Variants in ZSWIM6 observed in about 807,000 individuals in gnomAD.
The protein encoded by ZSWIM6 is zinc finger SWIM domain-containing protein 6.
ZSWIM6 carries 9 observed loss-of-function variants against 113.2 expected under a neutral mutation model. The observed-to-expected ratio is 0.08, with a 90% CI of 0.05 to 0.14. ZSWIM6 has a LOEUF of 0.14. ZSWIM6 is among the 10% of genes least tolerant of loss of function. The pLI, the probability that ZSWIM6 is intolerant of heterozygous loss-of-function variation, is 1.00. For synonymous variants in ZSWIM6, 611 were observed against 606.5 expected, an observed-to-expected ratio of 1.01 and a Z score of -0.11; for missense variants, 1,162 against 1,552.2, an observed-to-expected ratio of 0.75 and a Z score of 4.22.
chr5:61,351,186 C>G (rs1001437746), intron 1 of ZSWIM6, among the ~76,000 whole-genome samples: 1 of 152,112 alleles, frequency 6.6e-6, no homozygotes, highest in African/African-American at 2.4e-5. Context: ...CCTTAATGTC[C>G]TAATTTCTCC....
chr5:61,381,157 G>A (rs1275999090), intron 1 of ZSWIM6, among the ~76,000 whole-genome samples: 2 of 152,322 alleles, frequency 1.3e-5, no homozygotes, highest in East Asian at 3.9e-4. Flanking sequence ...GGAGGCTGAG[G>A]CAGGAGAATC....
At chr5:61,438,132 T>TC (rs1225683035) in intron 1 of ZSWIM6, among the ~76,000 whole-genome samples, 2 of 152,160 alleles carry the variant, frequency 1.3e-5, no homozygotes, top group Admixed American at 6.5e-5. Flanking sequence ...AGCTACACCT[T>TC]CCCCCCATTC....
At chr5:61,346,057 G>A (rs1744651991) in intron 1 of ZSWIM6, among the ~76,000 whole-genome samples, 1 of 152,034 alleles carries the variant, frequency 6.6e-6, no homozygotes, top group Non-Finnish European at 1.5e-5. Context: ...TGATTCTCCT[G>A]CCTCAGCCTC....
At chr5:61,336,464 A>G (rs1744398869) in intron 1 of ZSWIM6, among the ~76,000 whole-genome samples, 1 of 152,146 alleles carries the variant, frequency 6.6e-6, no homozygotes, top group Admixed American at 6.5e-5. Flanking sequence ...TTAATTGGAT[A>G]AAAATCAAAA....
At chr5:61,507,470 G>A (rs1159520501) in intron 4 of ZSWIM6, among the ~76,000 whole-genome samples, 1 of 152,144 alleles carries the variant, frequency 6.6e-6, no homozygotes, top group Non-Finnish European at 1.5e-5. Context: ...TTCCAGAAAT[G>A]CAGACACTGA....
intron 1 of ZSWIM6, among the ~76,000 whole-genome samples, chr5:61,340,998 A>T (rs1277752273): frequency 6.6e-6 from 1 of 152,268 alleles, no homozygotes; most frequent in Admixed American, 6.5e-5. Flanking sequence ...CTGTGTGATT[A>T]TACAGCAAGT....
chr5:61,369,963 G>C (rs1470878047), intron 1 of ZSWIM6, among the ~76,000 whole-genome samples: 1 of 152,086 alleles, frequency 6.6e-6, no homozygotes, highest in African/African-American at 2.4e-5. Context: ...ACAAAACAGA[G>C]GCTATAGCAT....
At chr5:61,388,697 A>C (rs1745641600) in intron 1 of ZSWIM6, among the ~76,000 whole-genome samples, 1 of 152,264 alleles carries the variant, frequency 6.6e-6, no homozygotes, top group Non-Finnish European at 1.5e-5. Context: ...TTGAACACAC[A>C]GTGGCTCAAA....
In ZSWIM6 at chr5:61,395,288, T is replaced by TG. The variant is rs1282916793; in HGVS notation, c.676+62347dup. Among the ~76,000 whole-genome samples, 11 of 151,898 alleles carry TG rather than the reference T, an allele frequency of 7.2e-5. No individual in the cohort carries two copies. In the East Asian group the frequency reaches 1.2e-3, roughly 16 times the overall value. On this transcript the variant is annotated intron_variant, in intron 1 of 13. Coordinates refer to ENST00000252744, the MANE Select transcript of ZSWIM6 (RefSeq NM_020928.2). Reference sequence around the variant, plus strand: ...TGGTGAAGGTATAAAAGTGTGTTGGTGGGGGGGCACTGGGTGTGTCCTTGC... The same window carrying TG: ...TGGTGAAGGTATAAAAGTGTGTTGGTGGGGGGGGCACTGGGTGTGTCCTTGC...
At chr5:61,370,940 G>A (rs6881765) in intron 1 of ZSWIM6, among the ~76,000 whole-genome samples, 32,678 of 152,004 alleles carry the variant, frequency 0.21, 3,706 homozygotes, top group South Asian at 0.31. Flanking sequence ...TATTCATTGC[G>A]TCTCCTAGTT....
chr5:61,495,254 C>T (rs568891170), intron 4 of ZSWIM6, among the ~76,000 whole-genome samples: 5 of 152,038 alleles, frequency 3.3e-5, no homozygotes, highest in Admixed American at 6.6e-5. Context: ...CTAAACCAAA[C>T]GATGCTGTTG....
intron 1 of ZSWIM6, among the ~76,000 whole-genome samples, chr5:61,335,069 GAC>G (rs1744365335): frequency 1.3e-5 from 2 of 152,270 alleles, no homozygotes; most frequent in African/African-American, 2.4e-5. Flanking sequence ...CTAGGAGACA[GAC>G]ACACAGCGTG....
intron 1 of ZSWIM6, among the ~76,000 whole-genome samples, chr5:61,371,287 T>A (rs185735747): frequency 1.3e-5 from 2 of 152,292 alleles, no homozygotes; most frequent in East Asian, 3.9e-4. Flanking sequence ...TTGATGACTT[T>A]ATCAACTATC....
In ZSWIM6 at chr5:61,464,158, A is replaced by ATTTTTTTTTTTTT. The variant is rs869288331; in HGVS notation, c.677-8502_677-8490dup. 2.0e-3 allele frequency among the ~76,000 whole-genome samples: 89 copies of ATTTTTTTTTTTTT among 43,538 alleles called. 5 individuals are homozygous for ATTTTTTTTTTTTT. Among genetic ancestry groups the ATTTTTTTTTTTTT allele is most frequent in the Non-Finnish European group, 2.7e-3 (65 of 24,294 alleles). 28.6% of individuals were successfully genotyped at this position (43,538 alleles called of 152,430 possible). On this transcript the variant is annotated intron_variant, in intron 1 of 13. Transcript: ENST00000252744. ...AGGTGCATGCCAACACACCCGGCTA[A>ATTTTTTTTTTTTT]TTTTTTTTTTTTTTTTTTTTTTTTT...
chr5:61,350,337 T>C (rs1204780462), intron 1 of ZSWIM6, among the ~76,000 whole-genome samples: 2 of 152,222 alleles, frequency 1.3e-5, no homozygotes, highest in African/African-American at 2.4e-5. Flanking sequence ...AATTGTGCGC[T>C]ATGTGCACTT....
At chr5:61,527,083 C>T (rs1749304897) in intron 7 of ZSWIM6, among the ~76,000 whole-genome samples, 1 of 152,136 alleles carries the variant, frequency 6.6e-6, no homozygotes. Context: ...ACACATTTAA[C>T]TTCTCTTTAT....
chr5:61,387,322 T>G (rs1745611048), intron 1 of ZSWIM6, among the ~76,000 whole-genome samples: 1 of 152,246 alleles, frequency 6.6e-6, no homozygotes, highest in Non-Finnish European at 1.5e-5. Context: ...TTATTTTAAT[T>G]ATCACCCCTG....
In ZSWIM6 at chr5:61,332,477, G is replaced by A; in HGVS notation, c.205G>A (p.Gly69Ser). 1 of 1,184,940 alleles carries A rather than the reference G, an allele frequency of 8.4e-7. No individual in the cohort carries two copies. Among genetic ancestry groups the A allele is most frequent in the African/African-American group, 1.6e-5 (1 of 60,696 alleles). The allele number at this position is 1,184,940 out of a possible 1,614,324, so 73.4% of individuals were successfully genotyped here. A position where few individuals can be genotyped will look rare whatever the true frequency, so the allele number is the denominator to read the frequency against. Residue 69 changes from glycine (G) to serine (S), a missense_variant, in exon 1 of 14, where the codon GGC becomes AGC. Coordinates refer to ENST00000252744, the MANE Select transcript of ZSWIM6 (RefSeq NM_020928.2). ...GGAALGLLPP[G>S]KTQSPESLLD... ...CGCGGCGCTGGGGTTGCTGCCGCCG[G>A]GCAAGACCCAGAGCCCCGAGTCGCT...
At chr5:61,456,455 GA>G (rs531220675) in intron 1 of ZSWIM6, among the ~76,000 whole-genome samples, 11 of 150,158 alleles carry the variant, frequency 7.3e-5, no homozygotes, top group African/African-American at 2.7e-4. Context: ...CCCCACCAAG[GA>G]AAAAAAAAGA....
Sources: allele counts gnomAD v4.1 joint callset (sites outside exome capture counted in the v4.1 genomes callset), GRCh38; gene constraint gnomAD v4.1.1; transcripts MANE v1.5; gene names NCBI Gene and HGNC (gene_info 2026-07-23, HGNC 2026-07-21).